The following CNTN4 variants were observed in gnomAD, a reference collection of about 807,000 sequenced individuals.
CNTN4 encodes contactin-4.
A neutral mutation model predicts 122.5 loss-of-function variants in CNTN4; 77 were observed. That is an observed-to-expected ratio of 0.63 (90% confidence interval 0.52 to 0.76). The LOEUF (loss-of-function observed/expected upper bound fraction) is 0.76, where lower values mean the gene tolerates loss of function less well. Among genes scored for constraint, CNTN4 ranks in the 30% least tolerant of loss-of-function variants. The probability of loss-of-function intolerance (pLI) is 0.00; values close to 1 mark genes in which losing one functional copy is unlikely to be tolerated. For missense variants in CNTN4, 1,256 were observed against 1,259.1 expected, an observed-to-expected ratio of 1.00 and a Z score of 0.04; for synonymous variants, 512 against 447.0, an observed-to-expected ratio of 1.15 and a Z score of -1.83.
chr3:2,895,890 G>A (rs527283030), intron 10 of CNTN4, among the ~76,000 whole-genome samples: 14 of 152,232 alleles, frequency 9.2e-5, no homozygotes, highest in East Asian at 3.9e-4. Context: ...AAAATTAGCC[G>A]AGCGTGGTGG....
intron 4 of CNTN4, among the ~76,000 whole-genome samples, chr3:2,703,656 C>A (rs1194677218): frequency 6.6e-6 from 1 of 151,538 alleles, no homozygotes; most frequent in African/African-American, 2.4e-5. Context: ...AAAAATAAAA[C>A]CATAAAGAAG....
intron 4 of CNTN4, among the ~76,000 whole-genome samples, chr3:2,572,248 C>T (rs1415391686): frequency 6.6e-6 from 1 of 151,956 alleles, no homozygotes. Flanking sequence ...TAGCCGGGTG[C>T]AGTGGTGCAT....
intron 4 of CNTN4, among the ~76,000 whole-genome samples, chr3:2,688,845 G>C (rs1470565312): frequency 6.6e-6 from 1 of 152,136 alleles, no homozygotes; most frequent in Non-Finnish European, 1.5e-5. Flanking sequence ...CATTTCTGTG[G>C]CCCAGTCACT....
chr3:2,906,127 GAA>G (rs35564866), intron 12 of CNTN4, among the ~76,000 whole-genome samples: 1 of 151,982 alleles, frequency 6.6e-6, no homozygotes, highest in African/African-American at 2.4e-5. Flanking sequence ...AGTAGAATCT[GAA>G]AAAGTTTATC....
intron 3 of CNTN4, among the ~76,000 whole-genome samples, chr3:2,407,750 A>G (rs2047091030): frequency 6.6e-6 from 1 of 152,182 alleles, no homozygotes; most frequent in African/African-American, 2.4e-5. Context: ...CAACAAACAA[A>G]TGCAATCATG....
At chr3:2,185,188 A>G (rs1358488250) in intron 2 of CNTN4, among the ~76,000 whole-genome samples, 2 of 152,066 alleles carry the variant, frequency 1.3e-5, no homozygotes, top group African/African-American at 4.8e-5. Context: ...CTCTCTTGGG[A>G]TGTATCCACT....
chr3:2,892,993 G>A (rs920700982), intron 10 of CNTN4, among the ~76,000 whole-genome samples: 3 of 151,994 alleles, frequency 2.0e-5, no homozygotes, highest in Admixed American at 6.6e-5. Context: ...AATACAATAG[G>A]TAAGGTGAAA....
chr3:2,796,847 T>C (rs533725718), intron 6 of CNTN4, among the ~76,000 whole-genome samples: 2 of 152,354 alleles, frequency 1.3e-5, no homozygotes, highest in South Asian at 2.1e-4. Flanking sequence ...CCTGACTTTA[T>C]AGCATTCCTT....
chr3:2,402,192 A>G (rs909081005), intron 3 of CNTN4, among the ~76,000 whole-genome samples: 2 of 152,210 alleles, frequency 1.3e-5, no homozygotes, highest in South Asian at 4.1e-4. Context: ...AGCTGAATTT[A>G]ATGGGATTTT....
intron 2 of CNTN4, among the ~76,000 whole-genome samples, chr3:2,166,807 AC>A (rs2036213246): frequency 1.3e-5 from 2 of 152,270 alleles, no homozygotes; most frequent in African/African-American, 4.8e-5. Context: ...AACATTACTT[AC>A]ATATGCTTAT....
At chr3:2,490,802 C>T (rs1014890746) in intron 3 of CNTN4, among the ~76,000 whole-genome samples, 29 of 152,254 alleles carry the variant, frequency 1.9e-4, no homozygotes, top group African/African-American at 7.0e-4. Flanking sequence ...TTCTCATTCC[C>T]GTATGCTATA....
chr3:2,238,973 C>G (rs1378736446), intron 2 of CNTN4: 1 of 148,880 alleles, frequency 6.7e-6, no homozygotes, highest in African/African-American at 2.5e-5. Context: ...GATCCGCCCG[C>G]CTCGGCCTCC....
intron 7 of CNTN4, among the ~76,000 whole-genome samples, chr3:2,855,357 C>G (rs2093606887): frequency 6.6e-6 from 1 of 152,188 alleles, no homozygotes; most frequent in Non-Finnish European, 1.5e-5. Flanking sequence ...TCTTTGTGGT[C>G]TTGGAATAGC....
At chr3:2,400,905 A>G (rs954181813) in intron 3 of CNTN4, among the ~76,000 whole-genome samples, 2 of 151,124 alleles carry the variant, frequency 1.3e-5, no homozygotes, top group Admixed American at 6.6e-5. Context: ...CAGGTTTGAA[A>G]TTAACCCTCT....
At chr3:2,728,482 G>A (rs1390481705) in intron 4 of CNTN4, among the ~76,000 whole-genome samples, 2 of 152,112 alleles carry the variant, frequency 1.3e-5, no homozygotes, top group Admixed American at 1.3e-4. Context: ...AATATGAGCA[G>A]GACACTGAGA....
chr3:2,207,573 C>T (rs991441236), intron 2 of CNTN4, among the ~76,000 whole-genome samples: 12 of 151,992 alleles, frequency 7.9e-5, no homozygotes, highest in Non-Finnish European at 1.0e-4. Context: ...GAGCCAGGAA[C>T]GAAGTGTCTA....
rs115710191 is a variant in CNTN4 at position 2,385,034 on chromosome 3, G to A, written c.-89+45801G>A. 4.2e-4 allele frequency among the ~76,000 whole-genome samples: 64 copies of A among 151,810 alleles called. No individual in the cohort carries two copies. The highest frequency in any genetic ancestry group is 1.0e-3 in the African/African-American group (42 of 41,330). ...AGATCCTCCTTTTCTCTCTTGCTTC[G>A]CCTCTTACTCTTCCTTCCTAACTGG... On this transcript the variant is annotated intron_variant, in intron 3 of 24. Coordinates refer to ENST00000418658, the MANE Select transcript of CNTN4 (RefSeq NM_175607.3). The surrounding 1 kb of genome is among the most constrained non-coding windows in gnomAD (Gnocchi z 4.0).
chr3:3,030,797 T>C lies in CNTN4; in HGVS notation c.1663-58T>C, dbSNP rs1699097076. 7.6e-6 allele frequency: 12 copies of C among 1,582,584 alleles called. No homozygotes were observed. In the South Asian group the frequency reaches 1.0e-4, roughly 13 times the overall value. ...ATTAGTCACCGTGTCCTTCATGTGATAATGATATTTAGAGCTCATTAAAAA... is the reference window on the plus strand; with the variant it reads ...ATTAGTCACCGTGTCCTTCATGTGACAATGATATTTAGAGCTCATTAAAAA... On this transcript the variant is annotated intron_variant, in intron 15 of 24. Coordinates refer to ENST00000418658, the MANE Select transcript of CNTN4 (RefSeq NM_175607.3).
At chr3:2,925,374 T>C (rs1200297894) in intron 12 of CNTN4, among the ~76,000 whole-genome samples, 7 of 151,966 alleles carry the variant, frequency 4.6e-5, no homozygotes, top group African/African-American at 1.7e-4. Flanking sequence ...GCCAACATGG[T>C]GAAACGCCAT....
Sources: gnomAD v4.1 joint callset for allele counts (sites outside exome capture counted in the v4.1 genomes callset) on GRCh38, gnomAD v4.1.1 for gene constraint, Gnocchi (gnomAD v3.1) non-coding constraint, MANE v1.5 for transcripts, NCBI Gene and HGNC (gene_info 2026-07-23, HGNC 2026-07-21) for gene names.